PPP5C: variants seen among roughly 807,000 people sequenced by gnomAD.
The protein encoded by PPP5C is serine/threonine-protein phosphatase 5.
PPP5C carries 21 observed loss-of-function variants against 66.7 expected under a neutral mutation model. The observed-to-expected ratio is 0.31, with a 90% CI of 0.22 to 0.45. The LOEUF (loss-of-function observed/expected upper bound fraction) is 0.45, where lower values mean the gene tolerates loss of function less well. Ranked by LOEUF, PPP5C falls within the 20% of genes least tolerant of loss-of-function variation. PPP5C has a pLI of 1.00. For missense variants in PPP5C, 464 were observed against 675.9 expected (o/e 0.69, Z 3.48); for synonymous variants, 246 against 257.4 (o/e 0.96, Z 0.43).
At chr19:46,351,865 G>A (rs377616724) in intron 1 of PPP5C, among the ~76,000 whole-genome samples, 1 of 152,246 alleles carries the variant, frequency 6.6e-6, no homozygotes, top group African/African-American at 2.4e-5. Flanking sequence ...GGGCAGCCCA[G>A]TCGGGGGCCT....
intron 2 of PPP5C, among the ~76,000 whole-genome samples, chr19:46,365,358 T>C (rs1972472684): frequency 1.3e-5 from 2 of 151,698 alleles, no homozygotes; most frequent in South Asian, 4.2e-4. Flanking sequence ...CCTCAAGTGA[T>C]CCACCTGTCT....
At chr19:46,355,569 G>C (rs1907937289) in intron 2 of PPP5C, among the ~76,000 whole-genome samples, 2 of 151,790 alleles carry the variant, frequency 1.3e-5, no homozygotes, top group South Asian at 4.2e-4. Context: ...GGGGGTTAGG[G>C]CGACACCTAG....
At chr19:46,355,047 C>T (rs890112168) in intron 2 of PPP5C, among the ~76,000 whole-genome samples, 1 of 152,252 alleles carries the variant, frequency 6.6e-6, no homozygotes, top group Admixed American at 6.5e-5. Flanking sequence ...TGGGATTACT[C>T]CCCTTGCACA....
At chr19:46,363,539 C>T (rs1972437934) in intron 2 of PPP5C, among the ~76,000 whole-genome samples, 2 of 151,372 alleles carry the variant, frequency 1.3e-5, no homozygotes, top group African/African-American at 4.8e-5. Context: ...AAGCGATTCT[C>T]CTGCCTCAGC....
intron 4 of PPP5C, among the ~76,000 whole-genome samples, chr19:46,380,002 T>C (rs1392854224): frequency 6.6e-6 from 1 of 152,220 alleles, no homozygotes; most frequent in Non-Finnish European, 1.5e-5. Flanking sequence ...TGATACTTAA[T>C]GGACAATATA....
intron 4 of PPP5C, chr19:46,382,650 CT>C (rs201722873): frequency 8.6e-5 from 22 of 257,114 alleles, no homozygotes; most frequent in South Asian, 2.9e-4. Flanking sequence ...ATACTTTTTT[CT>C]TTTTTTTCCC....
chr19:46,385,061 A>T (rs978329811), intron 7 of PPP5C, 152 bp downstream of exon 7: 8 of 618,296 alleles, frequency 1.3e-5, no homozygotes, highest in Non-Finnish European at 1.7e-5. Flanking sequence ...AGTGCACTGC[A>T]CAAAAGCATC....
Position 46,349,708 on chromosome 19 carries a change from A to G in PPP5C, c.121+2491A>G, listed in dbSNP as rs568304749. Reference sequence around the variant, plus strand: ...CATGCAGAGACTGGACTCCAGGGTAAGACAGGAAGGAGTCTAGATTAGTGG... The same window carrying G: ...CATGCAGAGACTGGACTCCAGGGTAGGACAGGAAGGAGTCTAGATTAGTGG... On this transcript the variant is annotated intron_variant, in intron 1 of 12. Coordinates refer to ENST00000012443, the MANE Select transcript of PPP5C (RefSeq NM_006247.4). 6.2e-4 allele frequency among the ~76,000 whole-genome samples: 94 copies of G among 152,238 alleles called. 1 individual carries two copies. Among genetic ancestry groups the G allele is most frequent in the African/African-American group, 2.2e-3 (92 of 41,536 alleles).
At chr19:46,380,548 G>A (rs1249889722) in intron 4 of PPP5C, among the ~76,000 whole-genome samples, 1 of 152,070 alleles carries the variant, frequency 6.6e-6, no homozygotes, top group Non-Finnish European at 1.5e-5. Context: ...TTTCTATCTG[G>A]TATCATGCCC....
chr19:46,363,503 C>T (rs1179000164), intron 2 of PPP5C, among the ~76,000 whole-genome samples: 1 of 151,612 alleles, frequency 6.6e-6, no homozygotes, highest in Non-Finnish European at 1.5e-5. Context: ...GATCTCGGCT[C>T]ACTGCAATCT....
At chr19:46,380,437 A>G (rs1314115862) in intron 4 of PPP5C, among the ~76,000 whole-genome samples, 5 of 152,254 alleles carry the variant, frequency 3.3e-5, no homozygotes, top group Non-Finnish European at 7.3e-5. Context: ...ATTTCCTTAA[A>G]TAGACACTAG....
intron 1 of PPP5C, among the ~76,000 whole-genome samples, chr19:46,350,691 G>A (rs1972168566): frequency 6.6e-6 from 1 of 152,220 alleles, no homozygotes; most frequent in South Asian, 2.1e-4. Context: ...CCTCCCCGGG[G>A]GCTGGGAGAT....
In PPP5C at chr19:46,388,255, C is replaced by G; in HGVS notation, c.1136-153C>G. On this transcript the variant is annotated intron_variant, in intron 9 of 12. Coordinates refer to ENST00000012443, the MANE Select transcript of PPP5C (RefSeq NM_006247.4). The surrounding 1 kb of genome is among the most constrained non-coding windows in gnomAD (Gnocchi z 4.9). ...TGGCTCAGAATCACAGTCACCTGTC[C>G]TGAATGTCCATGTCCATGCTGGATG... 2 of 779,798 alleles carry G rather than the reference C, an allele frequency of 2.6e-6. No homozygotes were observed. Among genetic ancestry groups the G allele is most frequent in the Non-Finnish European group, 2.0e-6 (1 of 496,734 alleles). 48.3% of individuals were successfully genotyped at this position (779,798 alleles called of 1,614,324 possible).
At chr19:46,379,988 A>G (rs889175169) in intron 4 of PPP5C, among the ~76,000 whole-genome samples, 1 of 152,238 alleles carries the variant, frequency 6.6e-6, no homozygotes, top group Non-Finnish European at 1.5e-5. Context: ...TTCAAATAAT[A>G]ATATGATACT....
At chr19:46,371,387 G>A (rs1443202729) in intron 2 of PPP5C, among the ~76,000 whole-genome samples, 2 of 152,180 alleles carry the variant, frequency 1.3e-5, no homozygotes, top group Non-Finnish European at 2.9e-5. Flanking sequence ...ATTTCATCCA[G>A]CGCTCGCCAG....
At position 46,390,045 on chromosome 19, in the gene PPP5C, C is replaced by T; in HGVS notation, c.1356-6C>T. On this transcript the variant is annotated splice_polypyrimidine_tract_variant and splice_region_variant and intron_variant, in intron 11 of 12. Transcript: ENST00000012443. Reference sequence around the variant, plus strand: ...CACACTGTCCACTCTGCTCCTGTCCCTGCAGCGACCAGATGGGGAACAAAG... The same window carrying T: ...CACACTGTCCACTCTGCTCCTGTCCTTGCAGCGACCAGATGGGGAACAAAG... 1 of 1,614,082 alleles carries T rather than the reference C, an allele frequency of 6.2e-7. No homozygotes were observed. The highest frequency in any genetic ancestry group is 8.5e-7 in the Non-Finnish European group (1 of 1,179,940).
intron 8 of PPP5C, 39 bp from the exon 9 acceptor site, chr19:46,387,327 T>G: frequency 1.2e-6 from 2 of 1,608,544 alleles, no homozygotes; most frequent in Non-Finnish European, 8.5e-7. Flanking sequence ...TGTGGGTGGG[T>G]GGCACCTTCC....
chr19:46,373,483 T>C (rs1482124231), intron 2 of PPP5C, among the ~76,000 whole-genome samples: 1 of 152,234 alleles, frequency 6.6e-6, no homozygotes, highest in East Asian at 1.9e-4. Flanking sequence ...AGAAGTGAGC[T>C]GTGTATTATT....
chr19:46,375,654 G>T lies in PPP5C; in HGVS notation c.414G>T (p.Glu138Asp). The change falls in exon 3 of 13, where the codon GAG becomes GAT. Residue 138 changes from glutamate (E) to aspartate (D), a missense_variant. Physicochemically the swap from Glu to Asp is conservative, Grantham distance 45 (BLOSUM62 2). Around this residue, in one of 2 missense-constraint regions of PPP5C, gnomAD observed 387 missense variants for 626.0 expected, o/e 0.62. Transcript: ENST00000012443. Reference protein sequence around the residue: ...HDKDAKMKYQECNKIVKQKAF... With the variant: ...HDKDAKMKYQDCNKIVKQKAF... ...AGGATGCCAAAATGAAATACCAGGA[G>T]TGCAACAAGATCGTGAAGCAGAAGG... 1 of 1,614,072 alleles carries T rather than the reference G, an allele frequency of 6.2e-7. No homozygotes were observed. The highest frequency in any genetic ancestry group is 8.5e-7 in the Non-Finnish European group (1 of 1,179,966).
Sources: gnomAD v4.1 joint callset for allele counts (sites outside exome capture counted in the v4.1 genomes callset) on GRCh38, gnomAD v4.1.1 for gene constraint, gnomAD v4.1.1 regional missense constraint, Gnocchi (gnomAD v3.1) non-coding constraint, MANE v1.5 for transcripts, NCBI Gene and HGNC (gene_info 2026-07-23, HGNC 2026-07-21) for gene names.